The following LRRC37A variants were observed in gnomAD, a reference collection of about 807,000 sequenced individuals.
LRRC37A encodes the protein leucine rich repeat containing 37A, also known as leucine-rich repeat-containing protein 37A.
A neutral mutation model predicts 35.4 loss-of-function variants in LRRC37A; 3 were observed. The ratio of observed to expected loss-of-function variants is 0.08; its 90% CI spans 0.04 to 0.22. The LOEUF (loss-of-function observed/expected upper bound fraction) is 0.22, where lower values mean the gene tolerates loss of function less well. Among genes scored for constraint, LRRC37A ranks in the 10% least tolerant of loss-of-function variants. LRRC37A has a pLI of 1.00. For missense variants in LRRC37A, 67 were observed against 565.3 expected (o/e 0.12, Z 8.94); for synonymous variants, 23 against 215.0 (o/e 0.11, Z 7.81).
the LRRC37A span, among the ~76,000 whole-genome samples, chr17:46,284,503 G>C: frequency 0.12 from 18,478 of 152,210 alleles, 2 homozygotes; most frequent in Non-Finnish European, 0.18. Context: ...TCTTAGTACA[G>C]AACAAAATGG....
the LRRC37A span, among the ~76,000 whole-genome samples, chr17:46,269,744 T>C: frequency 6.6e-6 from 1 of 152,252 alleles, no homozygotes; most frequent in Non-Finnish European, 1.5e-5. Flanking sequence ...GTATCTGATA[T>C]CATTTTTCTA....
At chr17:46,271,833 C>A in the LRRC37A span, among the ~76,000 whole-genome samples, 1 of 152,236 alleles carries the variant, frequency 6.6e-6, no homozygotes, top group East Asian at 1.9e-4. Context: ...ACAATCTCAG[C>A]TCACTACAAC....
chr17:46,278,401 G>GTTT, the LRRC37A span, among the ~76,000 whole-genome samples: 4 of 129,626 alleles, frequency 3.1e-5, no homozygotes, highest in South Asian at 2.2e-4. Flanking sequence ...GTTTTATTTT[G>GTTT]TTTTTTTTTT....
chr17:46,256,039 T>C, the LRRC37A span, among the ~76,000 whole-genome samples: 1 of 152,098 alleles, frequency 6.6e-6, no homozygotes, highest in Non-Finnish European at 1.5e-5. Flanking sequence ...GGTGGGGCCT[T>C]TGGGACGTAA....
At chr17:46,284,066 G>A in the LRRC37A span, among the ~76,000 whole-genome samples, 1 of 152,170 alleles carries the variant, frequency 6.6e-6, no homozygotes, top group Non-Finnish European at 1.5e-5. Context: ...ACATTCCATT[G>A]CCCAGGGACG....
the LRRC37A span, among the ~76,000 whole-genome samples, chr17:46,286,342 A>G: frequency 6.6e-6 from 1 of 152,264 alleles, no homozygotes; most frequent in African/African-American, 2.4e-5. Flanking sequence ...GAAACATTCA[A>G]TTGATTTTAA....
the LRRC37A span, chr17:46,259,472 C>T: frequency 1.4e-5 from 21 of 1,501,580 alleles, no homozygotes; most frequent in East Asian, 2.3e-4. Flanking sequence ...AGATAGTGGC[C>T]ACCCAGGTTT....
At chr17:46,258,740 A>C in the LRRC37A span, among the ~76,000 whole-genome samples, 3 of 122,066 alleles carry the variant, frequency 2.5e-5, no homozygotes, top group African/African-American at 9.8e-5. Context: ...TTTGAGATAG[A>C]GTCTCACTTG....
At chr17:46,278,413 TTG>T in the LRRC37A span, among the ~76,000 whole-genome samples, 2,436 of 87,374 alleles carry the variant, frequency 0.028, 46 homozygotes, top group Middle Eastern at 0.083. Flanking sequence ...TTTTTTTTTG[TTG>T]TTGTTTTAAG....
At chr17:46,270,005 T>C in the LRRC37A span, among the ~76,000 whole-genome samples, 1 of 152,246 alleles carries the variant, frequency 6.6e-6, no homozygotes, top group Non-Finnish European at 1.5e-5. Flanking sequence ...AAATTAAATA[T>C]TGATTTTATA....
chr17:46,259,701 G>A, the LRRC37A span: 1 of 1,602,432 alleles, frequency 6.2e-7, no homozygotes, highest in East Asian at 2.3e-5. Context: ...CCCAGATGAG[G>A]CCGCTGAAGG....
chr17:46,263,289 C>T, the LRRC37A span, among the ~76,000 whole-genome samples: 2 of 151,934 alleles, frequency 1.3e-5, no homozygotes, highest in East Asian at 1.9e-4. Context: ...CAGTGGCTCA[C>T]GCCTGTAATC....
At chr17:46,250,276 AC>A in the LRRC37A span, among the ~76,000 whole-genome samples, 22,149 of 152,000 alleles carry the variant, frequency 0.15, 2,233 homozygotes, top group Non-Finnish European at 0.22. Flanking sequence ...CTCCCAAATC[AC>A]GGTTCCAGAC....
exon 9 of LRRC37A, chr17:46,330,809 C>G: frequency 1.5e-6 from 1 of 675,246 alleles, no homozygotes; most frequent in South Asian, 2.8e-5. Context: ...CCAGAAAAGG[C>G]ACTTCAAAGA....
chr17:46,249,570 C>T, the LRRC37A span, among the ~76,000 whole-genome samples: 1 of 152,168 alleles, frequency 6.6e-6, no homozygotes, highest in Non-Finnish European at 1.5e-5. Flanking sequence ...TTGACCAATT[C>T]CTTCTTGTTG....
intron 10 of LRRC37A, chr17:46,334,589 T>TA (rs1328019253): frequency 2.6e-5 from 1 of 38,588 alleles, no homozygotes; most frequent in Non-Finnish European, 4.6e-5. Context: ...GCAGCTAATT[T>TA]AAAAAATGTG....
upstream of LRRC37A, among the ~76,000 whole-genome samples, chr17:46,290,412 C>T (rs879807177): frequency 3.1e-3 from 475 of 151,880 alleles, no homozygotes; most frequent in Non-Finnish European, 5.2e-3. Context: ...AGGCTGTGAG[C>T]CACAACTCTC....
chr17:46,259,612 C>A, the LRRC37A span: 7,082 of 1,610,066 alleles, frequency 4.4e-3, 196 homozygotes, highest in African/African-American at 0.071. Context: ...CCCAGACTCA[C>A]TGAGTGCCTG....
the LRRC37A span, among the ~76,000 whole-genome samples, chr17:46,265,261 CT>C: frequency 4.9e-5 from 1 of 20,382 alleles, no homozygotes; most frequent in Non-Finnish European, 1.4e-4. Flanking sequence ...TCTTCTTCTT[CT>C]TCTTCTTCTT....
Sources: allele counts gnomAD v4.1 joint callset (sites outside exome capture counted in the v4.1 genomes callset), GRCh38; gene constraint gnomAD v4.1.1; transcripts MANE v1.5; gene names NCBI Gene and HGNC (gene_info 2026-07-23, HGNC 2026-07-21).